The following SH3RF3 variants were observed in gnomAD, a reference collection of about 807,000 sequenced individuals.
The protein encoded by SH3RF3 is E3 ubiquitin-protein ligase SH3RF3.
SH3RF3 carries 29 observed loss-of-function variants against 66.3 expected under a neutral mutation model. The ratio of observed to expected loss-of-function variants is 0.44; its 90% confidence interval spans 0.33 to 0.60. The LOEUF (loss-of-function observed/expected upper bound fraction) is 0.60, where lower values mean the gene tolerates loss of function less well. Among genes scored for constraint, SH3RF3 ranks in the 20% least tolerant of loss-of-function variants. SH3RF3 has a pLI of 0.04. For synonymous variants in SH3RF3, 583 were observed against 532.0 expected (o/e 1.10, Z -1.32); for missense variants, 1,194 against 1,190.9 (o/e 1.00, Z -0.04).
intron 1 of SH3RF3, among the ~76,000 whole-genome samples, chr2:109,264,756 G>A (rs996862181): frequency 6.6e-6 from 1 of 152,142 alleles, no homozygotes; most frequent in African/African-American, 2.4e-5. Flanking sequence ...CCCACTGGGC[G>A]GGCATCTCAT....
chr2:109,396,359 G>A (rs1676145085), intron 3 of SH3RF3, among the ~76,000 whole-genome samples: 2 of 152,312 alleles, frequency 1.3e-5, no homozygotes, highest in South Asian at 2.1e-4. Flanking sequence ...GTTGGAGCCC[G>A]GAGTGAGGTT....
intron 1 of SH3RF3, among the ~76,000 whole-genome samples, chr2:109,169,382 A>G (rs1353656447): frequency 3.3e-5 from 5 of 152,008 alleles, no homozygotes; most frequent in South Asian, 2.1e-4. Context: ...GCTCCATACT[A>G]TGATGGTGAT....
intron 6 of SH3RF3, among the ~76,000 whole-genome samples, chr2:109,434,995 A>G (rs78069016): frequency 6.6e-6 from 1 of 151,602 alleles, no homozygotes; most frequent in Admixed American, 6.6e-5. Context: ...CCCTCCCTCT[A>G]CCTCTGCTGT....
intron 4 of SH3RF3, among the ~76,000 whole-genome samples, chr2:109,413,582 A>T (rs916330517): frequency 6.6e-6 from 1 of 152,096 alleles, no homozygotes; most frequent in Admixed American, 6.6e-5. Context: ...AGAATGGAGA[A>T]CAGCTTTGTC....
intron 1 of SH3RF3, among the ~76,000 whole-genome samples, chr2:109,322,625 A>G (rs1419406829): frequency 1.3e-5 from 2 of 152,242 alleles, no homozygotes; most frequent in Non-Finnish European, 2.9e-5. Flanking sequence ...CGCCAGTCAA[A>G]TGTCAAAGGC....
At chr2:109,491,069 C>T in intron 9 of SH3RF3, 133 bp downstream of exon 9, 1 of 803,152 alleles carries the variant, frequency 1.2e-6, no homozygotes, top group Admixed American at 3.6e-5. Context: ...ACACCCAGAT[C>T]CACATGGTCC....
chr2:109,201,624 T>G (rs1678678560), intron 1 of SH3RF3, among the ~76,000 whole-genome samples: 1 of 152,228 alleles, frequency 6.6e-6, no homozygotes, highest in South Asian at 2.1e-4. Context: ...TCTCACAGCA[T>G]GGCCTTCGTT....
intron 7 of SH3RF3, among the ~76,000 whole-genome samples, chr2:109,439,502 C>T (rs1437492100): frequency 1.3e-5 from 2 of 152,172 alleles, no homozygotes; most frequent in Admixed American, 1.3e-4. Flanking sequence ...AGACCCCAAC[C>T]CCGATGGGTG....
intron 1 of SH3RF3, among the ~76,000 whole-genome samples, chr2:109,231,439 T>C (rs187823392): frequency 7.9e-5 from 12 of 152,378 alleles, no homozygotes; most frequent in Admixed American, 6.5e-5. Context: ...TTTGCTTTTC[T>C]CGTGCAGACC....
intron 3 of SH3RF3, among the ~76,000 whole-genome samples, chr2:109,392,868 C>G (rs1002086019): frequency 2.4e-4 from 37 of 152,300 alleles, no homozygotes; most frequent in African/African-American, 8.4e-4. Flanking sequence ...CTTTGGAAGC[C>G]TTTCTCCTTA....
intron 1 of SH3RF3, among the ~76,000 whole-genome samples, chr2:109,145,596 G>C (rs1677075648): frequency 6.6e-6 from 1 of 152,154 alleles, no homozygotes; most frequent in African/African-American, 2.4e-5. Flanking sequence ...ACGCATGGTC[G>C]AGCGACCTTT....
Position 109,129,294 on chromosome 2 carries a change from A to T in SH3RF3, c.-247A>T. ...CGGGACAGGTGTAGCCCGCAGCCGC[A>T]GGCGCTGCGCTCAGGACTGGGCGGG... is the stretch of plus-strand genomic sequence containing the variant. On this transcript the variant is annotated 5_prime_UTR_variant, in exon 1 of 10. Transcript: ENST00000309415. The T allele has an allele frequency of 1.4e-6, 1 of 693,400 alleles. No homozygotes were observed. The highest frequency in any genetic ancestry group is 2.4e-6 in the Non-Finnish European group (1 of 416,454). The allele number at this position is 693,400 out of a possible 1,614,324, so 43.0% of individuals were successfully genotyped here. A position where few individuals can be genotyped will look rare whatever the true frequency, so the allele number is the denominator to read the frequency against.
intron 1 of SH3RF3, among the ~76,000 whole-genome samples, chr2:109,227,377 G>T (rs998721231): frequency 6.6e-6 from 1 of 152,150 alleles, no homozygotes; most frequent in Non-Finnish European, 1.5e-5. Flanking sequence ...GGTCCTTAGG[G>T]GTCCTGGTTC....
intron 5 of SH3RF3, among the ~76,000 whole-genome samples, chr2:109,426,325 AT>A (rs940451649): frequency 3.9e-5 from 6 of 152,230 alleles, no homozygotes; most frequent in African/African-American, 1.4e-4. Context: ...CATTATGAAC[AT>A]TTGTGATTCA....
intron 4 of SH3RF3, among the ~76,000 whole-genome samples, chr2:109,401,762 T>A (rs573492441): frequency 6.6e-6 from 1 of 152,320 alleles, no homozygotes; most frequent in African/African-American, 2.4e-5. Context: ...CACCAGCCTC[T>A]CATGTTGCCA....
chr2:109,199,941 T>G (rs1678628430), intron 1 of SH3RF3, among the ~76,000 whole-genome samples: 1 of 146,430 alleles, frequency 6.8e-6, no homozygotes, highest in Non-Finnish European at 1.5e-5. Flanking sequence ...GTACAGCACG[T>G]GTCCCCAGGG....
chr2:109,207,648 A>T (rs866246668), intron 1 of SH3RF3, among the ~76,000 whole-genome samples: 26 of 152,280 alleles, frequency 1.7e-4, no homozygotes, highest in Middle Eastern at 3.4e-3. Flanking sequence ...CAGTTGCTGT[A>T]TGATGTAAGG....
intron 2 of SH3RF3, among the ~76,000 whole-genome samples, chr2:109,356,463 G>A (rs2105603705): frequency 6.6e-6 from 1 of 152,320 alleles, no homozygotes; most frequent in African/African-American, 2.4e-5. Flanking sequence ...CACTCGACAT[G>A]CTTGGGTTTT....
intron 1 of SH3RF3, among the ~76,000 whole-genome samples, chr2:109,187,413 C>T (rs556597440): frequency 2.5e-4 from 38 of 151,842 alleles, no homozygotes; most frequent in African/African-American, 8.5e-4. Flanking sequence ...TGCTTAAGGC[C>T]GCACACACGT....
Sources: allele counts gnomAD v4.1 joint callset (sites outside exome capture counted in the v4.1 genomes callset), GRCh38; gene constraint gnomAD v4.1.1; transcripts MANE v1.5; gene names NCBI Gene and HGNC (gene_info 2026-07-23, HGNC 2026-07-21).